The following CAMTA1 variants were observed in gnomAD, a reference collection of about 807,000 sequenced individuals.
CAMTA1 encodes calmodulin binding transcription activator 1, also known as calmodulin-binding transcription activator 1.
Under a neutral mutation model 170.9 loss-of-function variants are expected in CAMTA1, and 27 were observed. That is an observed-to-expected ratio of 0.16 (90% CI 0.12 to 0.22). The LOEUF (loss-of-function observed/expected upper bound fraction) is 0.22, where lower values mean the gene tolerates loss of function less well. CAMTA1 is among the 10% of genes least tolerant of loss of function. The pLI is 1.00. For missense variants in CAMTA1, 1,619 were observed against 2,217.2 expected, an observed-to-expected ratio of 0.73 and a Z score of 5.42; for synonymous variants, 833 against 891.5, an observed-to-expected ratio of 0.93 and a Z score of 1.17.
chr1:7,162,090 A>T (rs1433622414), intron 4 of CAMTA1, among the ~76,000 whole-genome samples: 1 of 152,208 alleles, frequency 6.6e-6, no homozygotes, highest in Non-Finnish European at 1.5e-5. Flanking sequence ...GCCATTGGGC[A>T]GGGGCGTTTC....
intron 3 of CAMTA1, among the ~76,000 whole-genome samples, chr1:7,076,500 A>C (rs751733017): frequency 6.6e-5 from 10 of 152,204 alleles, no homozygotes; most frequent in Non-Finnish European, 1.5e-4. Flanking sequence ...GGAATAAGAT[A>C]TCTCTTCTTT....
chr1:6,922,368 T>C (rs920476043), intron 3 of CAMTA1, among the ~76,000 whole-genome samples: 4 of 147,576 alleles, frequency 2.7e-5, no homozygotes, highest in African/African-American at 1.0e-4. Flanking sequence ...CATTTATTAT[T>C]ATCACCTCTC....
At chr1:7,004,559 G>GCATATATAC in intron 3 of CAMTA1, among the ~76,000 whole-genome samples, 1 of 152,004 alleles carries the variant, frequency 6.6e-6, no homozygotes, top group East Asian at 1.9e-4. Context: ...GTGAAATAAA[G>GCATATATAC]CATATATACA....
intron 5 of CAMTA1, among the ~76,000 whole-genome samples, chr1:7,358,497 C>A (rs1237550413): frequency 6.6e-6 from 1 of 152,108 alleles, no homozygotes; most frequent in African/African-American, 2.4e-5. Flanking sequence ...GGTGGGGCTG[C>A]TTCCGGTGCG....
At chr1:7,752,897 C>A (rs879884684) in intron 21 of CAMTA1, among the ~76,000 whole-genome samples, 1 of 152,164 alleles carries the variant, frequency 6.6e-6, no homozygotes, top group Non-Finnish European at 1.5e-5. Flanking sequence ...ACTATGCTAG[C>A]GCGTGTCCAA....
chr1:6,962,497 A>G (rs1406967022), intron 3 of CAMTA1, among the ~76,000 whole-genome samples: 5 of 148,464 alleles, frequency 3.4e-5, no homozygotes, highest in African/African-American at 1.3e-4. Context: ...CCCCCTCAGA[A>G]CCTATCCCGT....
At position 7,007,853 on chromosome 1, in the gene CAMTA1, G is replaced by T. The variant is rs1699233089; in HGVS notation, c.235-83451G>T. Among the ~76,000 whole-genome samples the T allele has an allele frequency of 6.6e-6, 1 of 152,202 alleles. No homozygotes were observed. The highest frequency in any genetic ancestry group is 1.5e-5 in the Non-Finnish European group (1 of 68,038). Reference sequence around the variant, plus strand: ...TCTCCAGAGGCCCGGCACACAGTAGGCACTCAATGGTTGTAAACTGTATCC... The same window carrying T: ...TCTCCAGAGGCCCGGCACACAGTAGTCACTCAATGGTTGTAAACTGTATCC... On this transcript the variant is annotated intron_variant, in intron 3 of 22. Transcript: ENST00000303635. The surrounding 1 kb of genome is among the most constrained non-coding windows in gnomAD (Gnocchi z 4.5).
Position 7,588,516 on chromosome 1 carries a change from T to G in CAMTA1, c.511-51884T>G, listed in dbSNP as rs1307403374. ...CATTTGACAGCTGAGCTGAAGAGCT[T>G]GGTGTGCCCAAGGCCACGAAGTGGA... On this transcript the variant is annotated intron_variant, in intron 6 of 22. Coordinates refer to ENST00000303635, the MANE Select transcript of CAMTA1 (RefSeq NM_015215.4). The surrounding 1 kb of genome is among the most constrained non-coding windows in gnomAD (Gnocchi z 5.8). Among the ~76,000 whole-genome samples, 1 of 152,232 alleles carries G rather than the reference T, an allele frequency of 6.6e-6. No homozygotes were observed. Among genetic ancestry groups the G allele is most frequent in the Non-Finnish European group, 1.5e-5 (1 of 68,042 alleles).
chr1:7,560,989 C>T (rs892938479), intron 6 of CAMTA1, among the ~76,000 whole-genome samples: 7 of 152,072 alleles, frequency 4.6e-5, no homozygotes, highest in African/African-American at 1.4e-4. Context: ...GGGGGTGACT[C>T]GTATGACTGT....
At position 7,727,449 on chromosome 1, in the gene CAMTA1, GGTTT is replaced by G. The variant is rs1219198172; in HGVS notation, c.2915-4995_2915-4992del. 2.6e-5 allele frequency among the ~76,000 whole-genome samples: 4 copies of G among 152,264 alleles called. No homozygotes were observed. The South Asian group carries it at 6.2e-4, about 24-fold the overall frequency. On this transcript the variant is annotated intron_variant, in intron 11 of 22. Transcript: ENST00000303635. Reference sequence around the variant, plus strand: ...TGCTTTGTATTAATTTAAAACTCCAGGTTTGTTCGGGCTGCAGAAATTATCTGTT... The same window carrying G: ...TGCTTTGTATTAATTTAAAACTCCAGGTTCGGGCTGCAGAAATTATCTGTT...
Position 7,534,374 on chromosome 1 carries a change from C to T in CAMTA1, c.510+66473C>T, listed in dbSNP as rs942839566. On this transcript the variant is annotated intron_variant, in intron 6 of 22. Transcript: ENST00000303635. The surrounding 1 kb of genome is among the most constrained non-coding windows in gnomAD (Gnocchi z 5.6). Reference sequence around the variant, plus strand: ...GAGGAATTAAATCTTCCTGACACCCCGGGGCCACACGGGGAGAGCTTGCTG... The same window carrying T: ...GAGGAATTAAATCTTCCTGACACCCTGGGGCCACACGGGGAGAGCTTGCTG... Among the ~76,000 whole-genome samples, 4 of 152,208 alleles carry T rather than the reference C, an allele frequency of 2.6e-5. No homozygotes were observed. The highest frequency in any genetic ancestry group is 3.9e-4 in the East Asian group (2 of 5,194).
chr1:7,411,373 A>G (rs1347461186), intron 5 of CAMTA1, among the ~76,000 whole-genome samples: 2 of 152,092 alleles, frequency 1.3e-5, no homozygotes, highest in Non-Finnish European at 2.9e-5. Context: ...CCCCATGTCT[A>G]CTGAAAACAC....
chr1:7,326,966 A>G (rs1354796299), intron 5 of CAMTA1, among the ~76,000 whole-genome samples: 1 of 152,192 alleles, frequency 6.6e-6, no homozygotes, highest in Non-Finnish European at 1.5e-5. Context: ...AGCCAAGCGA[A>G]CAAAAAAGGA....
chr1:6,935,985 C>T (rs1317980331), intron 3 of CAMTA1, among the ~76,000 whole-genome samples: 17 of 152,304 alleles, frequency 1.1e-4, no homozygotes, highest in Non-Finnish European at 2.5e-4. Flanking sequence ...TGACTCGAGG[C>T]TGTCGGAGGT....
At chr1:7,348,955 G>A (rs1011598751) in intron 5 of CAMTA1, among the ~76,000 whole-genome samples, 1 of 152,106 alleles carries the variant, frequency 6.6e-6, no homozygotes, top group African/African-American at 2.4e-5. Flanking sequence ...GGCTCTCCTG[G>A]AGTCCTGTGT....
At chr1:7,619,187 A>G (rs1253640857) in intron 6 of CAMTA1, among the ~76,000 whole-genome samples, 2 of 152,198 alleles carry the variant, frequency 1.3e-5, no homozygotes, top group Admixed American at 1.3e-4. Flanking sequence ...TACCATCACC[A>G]CGGAGCCATG....
intron 6 of CAMTA1, among the ~76,000 whole-genome samples, chr1:7,558,748 A>G (rs974249878): frequency 2.0e-5 from 3 of 152,240 alleles, no homozygotes; most frequent in South Asian, 2.1e-4. Context: ...CCAGGCCTCT[A>G]TACAGTGAAA....
intron 4 of CAMTA1, among the ~76,000 whole-genome samples, chr1:7,160,740 C>T (rs1318286421): frequency 6.6e-6 from 1 of 152,194 alleles, no homozygotes; most frequent in Admixed American, 6.5e-5. Flanking sequence ...GGTAGTACCA[C>T]TAAGTTTCAG....
At chr1:6,853,207 C>A (rs1017371121) in intron 3 of CAMTA1, 1 of 152,110 alleles carries the variant, frequency 6.6e-6, no homozygotes, top group Non-Finnish European at 1.5e-5. Context: ...TAAATGAACA[C>A]TGTTGGGTAA....
Sources: gnomAD v4.1 joint callset for allele counts (sites outside exome capture counted in the v4.1 genomes callset) on GRCh38, gnomAD v4.1.1 for gene constraint, Gnocchi (gnomAD v3.1) non-coding constraint, MANE v1.5 for transcripts, NCBI Gene and HGNC (gene_info 2026-07-23, HGNC 2026-07-21) for gene names.